The following BRINP3 variants were observed in gnomAD, a reference collection of about 807,000 sequenced individuals.
BRINP3 encodes the protein BMP/retinoic acid-inducible neural-specific protein 3.
A neutral mutation model predicts 71.0 loss-of-function variants in BRINP3; 19 were observed. That is an observed-to-expected ratio of 0.27 (90% CI 0.19 to 0.39). The LOEUF (loss-of-function observed/expected upper bound fraction) is 0.39, where lower values mean the gene tolerates loss of function less well. Ranked by LOEUF, BRINP3 falls within the 10% of genes least tolerant of loss-of-function variation. The probability of loss-of-function intolerance (pLI) is 1.00; values close to 1 mark genes in which losing one functional copy is unlikely to be tolerated. For missense variants in BRINP3, 959 were observed against 940.8 expected, an observed-to-expected ratio of 1.02 and a Z score of -0.25; for synonymous variants, 380 against 337.7, an observed-to-expected ratio of 1.13 and a Z score of -1.37.
At position 190,461,907 on chromosome 1, in the gene BRINP3, A is replaced by G. The variant is rs1243869664; in HGVS notation, c.-50-6967T>C. Among the ~76,000 whole-genome samples, 3 of 152,088 alleles carry G rather than the reference A, an allele frequency of 2.0e-5. No homozygotes were observed. In the East Asian group the frequency reaches 5.8e-4, roughly 29 times the overall value. Reference sequence around the variant, plus strand: ...AGCTCAAAGAGTATCAAAGCAAAATATTCTTTAATTTTAATTTTGATTTTA... The same window carrying G: ...AGCTCAAAGAGTATCAAAGCAAAATGTTCTTTAATTTTAATTTTGATTTTA... On this transcript the variant is annotated intron_variant, in intron 1 of 7. Transcript: ENST00000367462.
chr1:190,117,311 C>T (rs190997226), intron 7 of BRINP3, among the ~76,000 whole-genome samples: 1 of 152,034 alleles, frequency 6.6e-6, no homozygotes, highest in East Asian at 1.9e-4. Context: ...ACTTCCTACT[C>T]TATAAATAAT....
intron 7 of BRINP3, among the ~76,000 whole-genome samples, chr1:190,156,174 T>C (rs537525506): frequency 2.0e-5 from 3 of 152,248 alleles, no homozygotes; most frequent in African/African-American, 7.2e-5. Flanking sequence ...TCAAGCTTTA[T>C]TGAAAAGGAA....
At chr1:190,165,443 G>GGTTTTTTTTTT (rs1651415035) in intron 6 of BRINP3, among the ~76,000 whole-genome samples, 6 of 46,624 alleles carry the variant, frequency 1.3e-4, no homozygotes, top group Non-Finnish European at 7.0e-5. Context: ...TTCATTGGCT[G>GGTTTTTTTTTT]TTTTTTTTTT....
intron 6 of BRINP3, among the ~76,000 whole-genome samples, chr1:190,203,800 T>TATATATATATATATAC (rs1655248571): frequency 2.0e-5 from 1 of 48,856 alleles, no homozygotes; most frequent in African/African-American, 7.8e-5. Context: ...TATATATATA[T>TATATATATATATATAC]ATATATATAT....
chr1:190,186,429 A>G (rs1035367164), intron 6 of BRINP3, among the ~76,000 whole-genome samples: 2 of 152,012 alleles, frequency 1.3e-5, no homozygotes, highest in African/African-American at 4.8e-5. Context: ...TTTATAAAAC[A>G]CCTTTTTTTG....
chr1:190,353,902 G>C (rs1668563831), intron 2 of BRINP3, among the ~76,000 whole-genome samples: 1 of 151,884 alleles, frequency 6.6e-6, no homozygotes, highest in Non-Finnish European at 1.5e-5. Flanking sequence ...TGTTTTATCA[G>C]CTGATGCTTT....
chr1:190,292,451 C>G (rs188788456), intron 2 of BRINP3, among the ~76,000 whole-genome samples: 2 of 152,048 alleles, frequency 1.3e-5, no homozygotes, highest in South Asian at 4.2e-4. Context: ...CCCAGGAGTT[C>G]GAGAGAAGCA....
chr1:190,301,166 C>CATATACATATATATGT, intron 2 of BRINP3, among the ~76,000 whole-genome samples: 1 of 38,062 alleles, frequency 2.6e-5, no homozygotes, highest in South Asian at 1.1e-3. Context: ...TATATATATA[C>CATATACATATATATGT]ATATATATAC....
chr1:190,381,532 AAT>A (rs1198358788), intron 2 of BRINP3, among the ~76,000 whole-genome samples: 1 of 152,174 alleles, frequency 6.6e-6, no homozygotes, highest in Non-Finnish European at 1.5e-5. Flanking sequence ...TTCAGAAATT[AAT>A]ATGTCTAACT....
intron 2 of BRINP3, among the ~76,000 whole-genome samples, chr1:190,402,753 G>A (rs1162501717): frequency 6.6e-6 from 1 of 151,866 alleles, no homozygotes; most frequent in African/African-American, 2.4e-5. Flanking sequence ...ATTTATTTGA[G>A]ACAGGTCTCA....
chr1:190,101,374 C>T (rs1266209414), intron 7 of BRINP3, among the ~76,000 whole-genome samples: 2 of 152,208 alleles, frequency 1.3e-5, no homozygotes, highest in Non-Finnish European at 2.9e-5. Context: ...TTTCTCACCA[C>T]AGAATATATG....
intron 2 of BRINP3, among the ~76,000 whole-genome samples, chr1:190,397,486 T>G (rs911332106): frequency 6.6e-6 from 1 of 151,982 alleles, no homozygotes; most frequent in African/African-American, 2.4e-5. Flanking sequence ...CCCTTAATTA[T>G]CCTTTACTCC....
At chr1:190,151,798 T>A (rs1055944409) in intron 7 of BRINP3, among the ~76,000 whole-genome samples, 1 of 152,252 alleles carries the variant, frequency 6.6e-6, no homozygotes, top group Middle Eastern at 3.4e-3. Context: ...TCTTCCAAAA[T>A]AATTTTCAGC....
intron 2 of BRINP3, among the ~76,000 whole-genome samples, chr1:190,315,869 CT>C (rs1665842458): frequency 6.6e-6 from 1 of 152,118 alleles, no homozygotes; most frequent in Non-Finnish European, 1.5e-5. Context: ...CTCATTTCCT[CT>C]TTTTTCTAAA....
intron 7 of BRINP3, among the ~76,000 whole-genome samples, chr1:190,122,102 C>T (rs1407357484): frequency 6.6e-6 from 1 of 152,110 alleles, no homozygotes; most frequent in Non-Finnish European, 1.5e-5. Flanking sequence ...GTAAGATATA[C>T]CATCAACTTT....
intron 6 of BRINP3, among the ~76,000 whole-genome samples, chr1:190,206,817 T>G (rs1655541485): frequency 6.6e-6 from 1 of 152,016 alleles, no homozygotes; most frequent in Non-Finnish European, 1.5e-5. Flanking sequence ...ATTTACAATC[T>G]AAGAAAATGA....
At chr1:190,371,506 A>G (rs1020816365) in intron 2 of BRINP3, among the ~76,000 whole-genome samples, 2 of 151,902 alleles carry the variant, frequency 1.3e-5, no homozygotes, top group Non-Finnish European at 2.9e-5. Flanking sequence ...TTCTTTCTGG[A>G]TTTTCATTGC....
intron 6 of BRINP3, among the ~76,000 whole-genome samples, chr1:190,214,382 T>C (rs1656230297): frequency 6.6e-6 from 1 of 152,050 alleles, no homozygotes; most frequent in African/African-American, 2.4e-5. Flanking sequence ...CAGTTATTCA[T>C]GGGAGTTTTG....
intron 7 of BRINP3, among the ~76,000 whole-genome samples, chr1:190,110,739 G>A (rs1390945301): frequency 1.3e-5 from 2 of 151,820 alleles, no homozygotes; most frequent in Non-Finnish European, 2.9e-5. Flanking sequence ...TGGCCATTAG[G>A]AATAGATTTT....
Sources: allele counts gnomAD v4.1 joint callset (sites outside exome capture counted in the v4.1 genomes callset), GRCh38; gene constraint gnomAD v4.1.1; transcripts MANE v1.5; gene names NCBI Gene and HGNC (gene_info 2026-07-23, HGNC 2026-07-21).